CLSTN2: variants seen among roughly 807,000 people sequenced by gnomAD.
The protein encoded by CLSTN2 is calsyntenin-2.
Under a neutral mutation model 101.2 loss-of-function variants are expected in CLSTN2, and 48 were observed. That is an observed-to-expected ratio of 0.47 (90% CI 0.38 to 0.60). CLSTN2 has a LOEUF of 0.60. CLSTN2 is among the 20% of genes least tolerant of loss of function. CLSTN2 has a pLI of 0.00. For synonymous variants in CLSTN2, 481 were observed against 463.6 expected, an observed-to-expected ratio of 1.04 and a Z score of -0.48; for missense variants, 1,160 against 1,238.2, an observed-to-expected ratio of 0.94 and a Z score of 0.95.
intron 2 of CLSTN2, among the ~76,000 whole-genome samples, chr3:140,260,311 CTG>C (rs1384959955): frequency 6.6e-6 from 1 of 151,974 alleles, no homozygotes; most frequent in East Asian, 1.9e-4. Context: ...GGAACTATCA[CTG>C]TGTCTTACAC....
intron 9 of CLSTN2, among the ~76,000 whole-genome samples, chr3:140,536,001 G>A (rs943925211): frequency 1.5e-5 from 2 of 136,498 alleles, no homozygotes; most frequent in Admixed American, 9.5e-5. Flanking sequence ...AGAATGCTGC[G>A]TTCCCCTTAC....
At chr3:140,554,476 T>A (rs887409272) in intron 10 of CLSTN2, among the ~76,000 whole-genome samples, 3 of 152,232 alleles carry the variant, frequency 2.0e-5, no homozygotes, top group African/African-American at 7.2e-5. Context: ...GATTTGTCAT[T>A]TATCAGATTG....
At chr3:139,978,648 TTGTGTGTGTGTGTGTGTG>T (rs552137591) in intron 1 of CLSTN2, among the ~76,000 whole-genome samples, 181 of 135,604 alleles carry the variant, frequency 1.3e-3, no homozygotes, top group South Asian at 4.4e-3. Flanking sequence ...GGATGGGGGA[TTGTGTGTGTGTGTGTGTG>T]TGTGTGTGTG....
chr3:140,111,357 G>T (rs2107794783), intron 1 of CLSTN2, among the ~76,000 whole-genome samples: 1 of 152,274 alleles, frequency 6.6e-6, no homozygotes, highest in Non-Finnish European at 1.5e-5. Context: ...GACTTAGTGA[G>T]GGTCTTCATC....
chr3:140,333,682 C>CTGTGTGTGTGTG (rs10545391), intron 2 of CLSTN2, among the ~76,000 whole-genome samples: 2 of 147,562 alleles, frequency 1.4e-5, no homozygotes, highest in African/African-American at 5.0e-5. Context: ...AGAGTGGAGA[C>CTGTGTGTGTGTG]TGTGTGTGTG....
chr3:140,139,090 G>A (rs1163738214), intron 1 of CLSTN2, among the ~76,000 whole-genome samples: 1 of 152,194 alleles, frequency 6.6e-6, no homozygotes, highest in Non-Finnish European at 1.5e-5. Context: ...CTAAAAATGA[G>A]GGATGATGTC....
At chr3:140,399,203 A>G (rs891217154) in intron 2 of CLSTN2, among the ~76,000 whole-genome samples, 1 of 152,226 alleles carries the variant, frequency 6.6e-6, no homozygotes, top group Non-Finnish European at 1.5e-5. Context: ...TGAAAATGAT[A>G]TCTTTATATG....
intron 2 of CLSTN2, among the ~76,000 whole-genome samples, chr3:140,283,867 T>C (rs2086871285): frequency 6.6e-6 from 1 of 152,186 alleles, no homozygotes; most frequent in South Asian, 2.1e-4. Flanking sequence ...GAACTGGGTG[T>C]GTGGCATTTA....
intron 1 of CLSTN2, among the ~76,000 whole-genome samples, chr3:140,054,180 C>T (rs1460398336): frequency 6.6e-6 from 1 of 152,106 alleles, no homozygotes; most frequent in African/African-American, 2.4e-5. Context: ...TGAGCTTGAA[C>T]TAGGACTTCA....
intron 2 of CLSTN2, among the ~76,000 whole-genome samples, chr3:140,325,076 T>C (rs759391550): frequency 6.6e-6 from 1 of 152,224 alleles, no homozygotes; most frequent in Non-Finnish European, 1.5e-5. Context: ...ATTTAAATTT[T>C]TGGTAGAGAC....
At chr3:139,980,941 A>T (rs1481955885) in intron 1 of CLSTN2, among the ~76,000 whole-genome samples, 1 of 152,102 alleles carries the variant, frequency 6.6e-6, no homozygotes, top group East Asian at 1.9e-4. Context: ...GAGGTCATTT[A>T]CTGCCTTCTT....
At chr3:140,129,877 A>G (rs2009496500) in intron 1 of CLSTN2, among the ~76,000 whole-genome samples, 1 of 152,138 alleles carries the variant, frequency 6.6e-6, no homozygotes, top group African/African-American at 2.4e-5. Flanking sequence ...CCCTTGTCAC[A>G]TGTCGGAAGA....
chr3:140,023,121 C>T (rs1015708140), intron 1 of CLSTN2, among the ~76,000 whole-genome samples: 1 of 152,126 alleles, frequency 6.6e-6, no homozygotes, highest in African/African-American at 2.4e-5. Flanking sequence ...CACCCAAAAC[C>T]AGTGGGTTCG....
chr3:140,498,985 A>C (rs1402554163), intron 8 of CLSTN2, among the ~76,000 whole-genome samples: 2 of 152,102 alleles, frequency 1.3e-5, no homozygotes, highest in African/African-American at 4.8e-5. Context: ...CACTAAACCA[A>C]ATAATTAACA....
chr3:139,999,036 C>T (rs1328500580), intron 1 of CLSTN2, among the ~76,000 whole-genome samples: 2 of 152,038 alleles, frequency 1.3e-5, no homozygotes, highest in Admixed American at 1.3e-4. Context: ...TTATGTTTGC[C>T]TGTCCCCGTG....
chr3:140,311,098 G>A (rs1349480916), intron 2 of CLSTN2, among the ~76,000 whole-genome samples: 3 of 152,012 alleles, frequency 2.0e-5, no homozygotes, highest in Non-Finnish European at 4.4e-5. Context: ...AGCCAGATTG[G>A]GCAGTGAGTC....
chr3:140,471,247 C>G (rs943411301), intron 8 of CLSTN2, among the ~76,000 whole-genome samples: 9 of 152,188 alleles, frequency 5.9e-5, no homozygotes, highest in African/African-American at 2.2e-4. Context: ...TAACTTGCAG[C>G]CCCTCCTGGC....
intron 2 of CLSTN2, among the ~76,000 whole-genome samples, chr3:140,284,316 G>A (rs1273639681): frequency 6.6e-6 from 1 of 152,084 alleles, no homozygotes; most frequent in Non-Finnish European, 1.5e-5. Context: ...TGCTGGGACT[G>A]CCATAATTGC....
intron 1 of CLSTN2, among the ~76,000 whole-genome samples, chr3:140,122,431 G>C (rs1011345675): frequency 6.6e-6 from 1 of 152,158 alleles, no homozygotes; most frequent in Admixed American, 6.5e-5. Flanking sequence ...ACCACTAATG[G>C]AATCACGTTA....
Sources: gnomAD v4.1 joint callset for allele counts (sites outside exome capture counted in the v4.1 genomes callset) on GRCh38, gnomAD v4.1.1 for gene constraint, MANE v1.5 for transcripts, NCBI Gene and HGNC (gene_info 2026-07-23, HGNC 2026-07-21) for gene names.